Variants in CACNA1H observed in about 807,000 individuals in gnomAD.
CACNA1H encodes the protein calcium voltage-gated channel subunit alpha1 H.
A neutral mutation model predicts 192.5 loss-of-function variants in CACNA1H; 149 were observed. The observed-to-expected ratio is 0.77, with a 90% CI of 0.68 to 0.89. The LOEUF is 0.89. Ranked by LOEUF, CACNA1H falls within the 40% of genes least tolerant of loss-of-function variation. The pLI is 0.00. For missense variants in CACNA1H, 4,257 were observed against 3,423.5 expected (o/e 1.24, Z -6.08); for synonymous variants, 2,202 against 1,475.2 (o/e 1.49, Z -11.29).
chr16:1,199,803 G>A (rs1382384632), intron 6 of CACNA1H, among the ~76,000 whole-genome samples: 1 of 151,218 alleles, frequency 6.6e-6, no homozygotes, highest in East Asian at 2.0e-4. Context: ...TCACCCCAGG[G>A]CTGCCTCCTT....
intron 2 of CACNA1H, among the ~76,000 whole-genome samples, chr16:1,172,998 G>A (rs558068706): frequency 1.2e-4 from 18 of 152,058 alleles, no homozygotes; most frequent in Non-Finnish European, 2.1e-4. Context: ...GAGGGGAGGG[G>A]TGGGGCCAGA....
At position 1,217,537 on chromosome 16, in the gene CACNA1H, C is replaced by T. The variant is rs532589547; in HGVS notation, c.5324-382C>T. 5.3e-4 allele frequency among the ~76,000 whole-genome samples: 80 copies of T among 152,350 alleles called. No individual in the cohort carries two copies. In the East Asian group the frequency reaches 0.013, roughly 24 times the overall value. ...GCCCAGTCCCTGCAGGGCCCTCCCC[C>T]GGGCCCTGTCCCGACGGTGGGTGTG... On this transcript the variant is annotated intron_variant, in intron 31 of 34. Coordinates refer to ENST00000348261, the MANE Select transcript of CACNA1H (RefSeq NM_021098.3).
At chr16:1,198,263 T>C (rs959404879) in intron 5 of CACNA1H, among the ~76,000 whole-genome samples, 10 of 148,962 alleles carry the variant, frequency 6.7e-5, no homozygotes, top group Non-Finnish European at 1.4e-4. Context: ...CGCAGCCAGT[T>C]CCCTGCCTCG....
rs1330183920 is a variant in CACNA1H, at chr16:1,208,187, C to G, written c.3329C>G (p.Ser1110Cys). ...LPDSRRGSSS[S>C]GDPPLGDQKP... ...GACTCTCGGCGTGGCAGCAGCAGCT[C>G]CGGGGACCCGCCACTGGGAGACCAG... Residue 1110 changes from serine to cysteine, a missense_variant, in exon 16 of 35, where the codon TCC (serine) becomes TGC (cysteine). By Grantham distance (112) the Ser-to-Cys change is moderately radical. Transcript: ENST00000348261. 1.3e-6 allele frequency: 2 copies of G among 1,545,626 alleles called. No homozygotes were observed. Among genetic ancestry groups the G allele is most frequent in the South Asian group, 1.2e-5 (1 of 84,116 alleles).
chr16:1,172,397 G>C (rs1391789669), intron 2 of CACNA1H, among the ~76,000 whole-genome samples: 1 of 152,112 alleles, frequency 6.6e-6, no homozygotes, highest in East Asian at 1.9e-4. Flanking sequence ...CTGCCCCCAG[G>C]CGTCCTCCCC....
rs1312577674 is a variant in CACNA1H, at chr16:1,195,846, C to T, written c.546-80C>T. On this transcript the variant is annotated intron_variant, in intron 4 of 34. Transcript: ENST00000348261. ...CCGGGCTGGCCGGTTCTATGCCTGC[C>T]CACCCTACTTTGCACCCCAGCCCCA... 4 of 1,138,650 alleles carry T rather than the reference C, an allele frequency of 3.5e-6. No individual in the cohort carries two copies. The African/African-American group carries it at 4.6e-5, about 13-fold the overall frequency. 70.5% of individuals were successfully genotyped at this position (1,138,650 alleles called of 1,614,324 possible). A position where few individuals can be genotyped will look rare whatever the true frequency, so the allele number is the denominator to read the frequency against.
intron 2 of CACNA1H, among the ~76,000 whole-genome samples, chr16:1,169,379 TGTC>T (rs2151697357): frequency 6.6e-6 from 1 of 152,260 alleles, no homozygotes; most frequent in African/African-American, 2.4e-5. Flanking sequence ...CTGACACAGG[TGTC>T]GTGGACTGGG....
At chr16:1,219,941 C>G (rs1225972524) in intron 34 of CACNA1H, 40 bp from the exon 35 acceptor site, 1 of 1,267,448 alleles carries the variant, frequency 7.9e-7, no homozygotes, top group African/African-American at 1.5e-5. Context: ...CAGGGCTCTC[C>G]CAGGGCCCCG....
Position 1,202,172 on chromosome 16 carries a change from C to T in CACNA1H, c.1722C>T (p.Ser574=), listed in dbSNP as rs763201457. ...RGPPDAESVH[S]IYHADCHIEG... ...CCCCCGACGCAGAGTCTGTGCACAG[C>T]ATCTACCATGCCGACTGCCACATAG... is the stretch of plus-strand genomic sequence containing the variant. The change falls in exon 9 of 35, where the codon AGC becomes AGT. Residue 574 remains serine, a synonymous_variant. Coordinates refer to ENST00000348261, the MANE Select transcript of CACNA1H (RefSeq NM_021098.3). The T allele has an allele frequency of 3.1e-4, 477 of 1,552,116 alleles. No homozygotes were observed. The highest frequency in any genetic ancestry group is 4.0e-4 in the Non-Finnish European group (462 of 1,148,580).
chr16:1,213,472 C>T (rs543781383), intron 26 of CACNA1H, among the ~76,000 whole-genome samples: 3 of 152,198 alleles, frequency 2.0e-5, no homozygotes, highest in Non-Finnish European at 4.4e-5. Context: ...CTGGCGCAAC[C>T]GCGTTGCTGA....
chr16:1,209,502 C>A, intron 17 of CACNA1H, 90 bp downstream of exon 17: 2 of 1,494,522 alleles, frequency 1.3e-6, no homozygotes, highest in Non-Finnish European at 1.8e-6. Flanking sequence ...GGATTCAGGG[C>A]GTGTTGTTGA....
chr16:1,210,985 C>G lies in CACNA1H; in HGVS notation c.4223+14C>G. The G allele has an allele frequency of 3.1e-6, 5 of 1,589,652 alleles. No homozygotes were observed. The highest frequency in any genetic ancestry group is 4.3e-6 in the Non-Finnish European group (5 of 1,173,090). ...GCGGCCTCTGAGGTGGGGGGCTCCC[C>G]GTGGGCTCCCGGGGCAACCTGGAAG... On this transcript the variant is annotated intron_variant, in intron 21 of 34. Transcript: ENST00000348261.
intron 2 of CACNA1H, among the ~76,000 whole-genome samples, chr16:1,192,308 C>T (rs1346493713): frequency 6.6e-6 from 1 of 152,218 alleles, no homozygotes; most frequent in Non-Finnish European, 1.5e-5. Context: ...AGTCAGCTGT[C>T]TTTGAGGAGT....
At chr16:1,184,931 A>G (rs1965834322) in intron 2 of CACNA1H, among the ~76,000 whole-genome samples, 1 of 152,080 alleles carries the variant, frequency 6.6e-6, no homozygotes, top group Admixed American at 6.5e-5. Context: ...CGACCAGCGG[A>G]TTTTAAAGCG....
chr16:1,194,141 C>G (rs973181800), intron 2 of CACNA1H, among the ~76,000 whole-genome samples: 1 of 152,018 alleles, frequency 6.6e-6, no homozygotes, highest in Non-Finnish European at 1.5e-5. Context: ...GAGTCAAGCA[C>G]AGGCCCAAGT....
intron 2 of CACNA1H, among the ~76,000 whole-genome samples, chr16:1,187,810 C>G (rs55759610): frequency 0.089 from 13,495 of 152,280 alleles, 950 homozygotes; most frequent in South Asian, 0.33. Context: ...GGAGCTGAGG[C>G]TGGCCTGTGG....
Position 1,218,640 on chromosome 16 carries a change from G to A in CACNA1H, c.5876G>A (p.Gly1959Asp), listed in dbSNP as rs1412487320. 2 of 1,545,436 alleles carry A rather than the reference G, an allele frequency of 1.3e-6. No homozygotes were observed. The highest frequency in any genetic ancestry group is 2.4e-5 in the South Asian group (2 of 83,106). ...GTGGAGATGGAGACCTATGGGGCCG[G>A]CACCCCCTTGGGTATGGTAGCCAGC... ...QEVEMETYGA[G>D]TPLGSVASVH... is the part of the protein sequence containing the mutation. The change falls in exon 33 of 35, where the codon GGC becomes GAC. Residue 1959 changes from glycine to aspartate, a missense_variant. Gly to Asp is a moderately conservative substitution (Grantham distance 94). Coordinates refer to ENST00000348261, the MANE Select transcript of CACNA1H (RefSeq NM_021098.3).
intron 2 of CACNA1H, among the ~76,000 whole-genome samples, chr16:1,164,435 G>A (rs1425230591): frequency 6.6e-6 from 1 of 152,152 alleles, no homozygotes; most frequent in Non-Finnish European, 1.5e-5. Flanking sequence ...TGGTTCAGGT[G>A]ACCCTCCTGC....
chr16:1,185,059 C>G (rs552030988), intron 2 of CACNA1H, among the ~76,000 whole-genome samples: 2 of 152,214 alleles, frequency 1.3e-5, no homozygotes, highest in African/African-American at 2.4e-5. Context: ...CCCTGGTGGT[C>G]TCTACCCCGC....
Sources: allele counts gnomAD v4.1 joint callset (sites outside exome capture counted in the v4.1 genomes callset), GRCh38; gene constraint gnomAD v4.1.1; transcripts MANE v1.5; gene names NCBI Gene and HGNC (gene_info 2026-07-23, HGNC 2026-07-21).